MID1: variants seen among roughly 807,000 people sequenced by gnomAD.
MID1 encodes midline 1, also known as E3 ubiquitin-protein ligase Midline-1.
MID1 carries 7 observed loss-of-function variants against 40.4 expected under a neutral mutation model. The ratio of observed to expected loss-of-function variants is 0.17; its 90% CI spans 0.10 to 0.33. MID1 has a LOEUF of 0.33. Ranked by LOEUF, MID1 falls within the 10% of genes least tolerant of loss-of-function variation. The pLI is 1.00. For missense variants in MID1, 367 were observed against 558.5 expected, an observed-to-expected ratio of 0.66 and a Z score of 3.46; for synonymous variants, 229 against 221.2, an observed-to-expected ratio of 1.04 and a Z score of -0.31.
intron 1 of MID1, among the ~76,000 whole-genome samples, chrX:10,597,890 G>T (rs1310567254): frequency 9.0e-6 from 1 of 111,497 alleles, no homozygotes; most frequent in Non-Finnish European, 1.9e-5. Context: ...ATAACCCCAT[G>T]GTCAGCACAT....
rs1206788289 is a variant in MID1, at chrX:10,717,669, C to T, written c.-186-97250G>A. Among the ~76,000 whole-genome samples, 9 of 109,715 alleles carry T rather than the reference C, an allele frequency of 8.2e-5. No individual in the cohort carries two copies. In the East Asian group the frequency reaches 1.4e-3, roughly 17 times the overall value. On this transcript the variant is annotated intron_variant, in intron 1 of 10. Transcript: ENST00000380785. ...GAAAGTTAACAAGGATATCCAGGAA[C>T]TGAACTCAGCTCTGCACCAAGCGGA...
chrX:10,602,708 T>C (rs766545771), intron 1 of MID1, among the ~76,000 whole-genome samples: 7 of 112,597 alleles, frequency 6.2e-5, no homozygotes, highest in Non-Finnish European at 1.3e-4. Context: ...CAATATCTTC[T>C]GGGTTTTTCA....
At chrX:10,619,497 T>G (rs1026003326) in intron 1 of MID1, among the ~76,000 whole-genome samples, 1 of 112,798 alleles carries the variant, frequency 8.9e-6, no homozygotes, top group African/African-American at 3.2e-5. Context: ...TTCCATAACT[T>G]TGATTGAGTT....
chrX:10,784,443 C>CTT (rs1222382957), intron 1 of MID1, among the ~76,000 whole-genome samples: 52 of 87,560 alleles, frequency 5.9e-4, no homozygotes, highest in East Asian at 1.7e-3. Flanking sequence ...GTTGTATTTT[C>CTT]TTTTTTTTTT....
chrX:10,642,895 C>G (rs1019093332), intron 1 of MID1, among the ~76,000 whole-genome samples: 2 of 110,810 alleles, frequency 1.8e-5, no homozygotes, highest in East Asian at 2.8e-4. Context: ...ACAAACCTGA[C>G]AAAAACAAGA....
At chrX:10,565,873 G>A (rs1314249157) in intron 2 of MID1, among the ~76,000 whole-genome samples, 1 of 106,267 alleles carries the variant, frequency 9.4e-6, no homozygotes, top group African/African-American at 3.5e-5. Flanking sequence ...GCAGTGGCGC[G>A]ATCTTGGGTC....
intron 1 of MID1, among the ~76,000 whole-genome samples, chrX:10,613,726 TATATATAG>T (rs1433267095): frequency 9.5e-4 from 46 of 48,559 alleles, no homozygotes; most frequent in Middle Eastern, 0.013. Context: ...TATATATATA[TATATATAG>T]AGAGAGAGAG....
intron 1 of MID1, among the ~76,000 whole-genome samples, chrX:10,832,917 T>C (rs765398984): frequency 1.1e-3 from 123 of 112,499 alleles, no homozygotes; most frequent in Non-Finnish European, 1.9e-3. Flanking sequence ...ACCTTTGACA[T>C]AAAGCCTTTA....
intron 1 of MID1, among the ~76,000 whole-genome samples, chrX:10,612,266 G>A (rs1277919122): frequency 1.8e-5 from 2 of 111,321 alleles, no homozygotes; most frequent in African/African-American, 6.5e-5. Flanking sequence ...AGTCAGAGCC[G>A]TACAAAAAGG....
intron 2 of MID1, among the ~76,000 whole-genome samples, chrX:10,533,570 T>G (rs1397056693): frequency 9.0e-6 from 1 of 111,199 alleles, no homozygotes; most frequent in Non-Finnish European, 1.9e-5. Context: ...TATAATTCAA[T>G]TAACTTAACA....
At chrX:10,803,979 A>G (rs969728505) in intron 1 of MID1, among the ~76,000 whole-genome samples, 15 of 109,509 alleles carry the variant, frequency 1.4e-4, no homozygotes, top group African/African-American at 4.3e-4. Context: ...TTTGGTTTGC[A>G]TTTCCATTTG....
At chrX:10,731,687 G>T (rs2043449386) in intron 1 of MID1, among the ~76,000 whole-genome samples, 1 of 111,216 alleles carries the variant, frequency 9.0e-6, no homozygotes, top group Non-Finnish European at 1.9e-5. Flanking sequence ...GCTGGGGGCG[G>T]TGGCTCATGC....
At chrX:10,575,179 T>C (rs1041813612) in intron 1 of MID1, among the ~76,000 whole-genome samples, 1 of 112,459 alleles carries the variant, frequency 8.9e-6, no homozygotes, top group Admixed American at 9.4e-5. Flanking sequence ...TTCACCTGGG[T>C]AATTAGATTT....
intron 1 of MID1, among the ~76,000 whole-genome samples, chrX:10,831,456 C>T (rs750548994): frequency 1.8e-5 from 2 of 111,271 alleles, no homozygotes; most frequent in African/African-American, 6.5e-5. Flanking sequence ...CGGAGGCTGC[C>T]GATTGGTTAA....
chrX:10,758,767 C>T (rs1212118577), intron 1 of MID1, among the ~76,000 whole-genome samples: 2 of 110,939 alleles, frequency 1.8e-5, no homozygotes, highest in African/African-American at 3.3e-5. Context: ...GGATTACAGG[C>T]TTGAGCCACC....
At chrX:10,586,808 T>C (rs1317103976) in intron 1 of MID1, among the ~76,000 whole-genome samples, 1 of 112,851 alleles carries the variant, frequency 8.9e-6, no homozygotes, top group Non-Finnish European at 1.9e-5. Context: ...GCCACTGGCC[T>C]TGGCCAGGGC....
At position 10,518,340 on chromosome X, in the gene MID1, G is replaced by C. The variant is rs1248437014; in HGVS notation, c.756+4752C>G. ...CTAGTGGTTAGGGCTTAGACTCTGC[G>C]AAGTTAGATGTTAACTTAGAGAAAC... On this transcript the variant is annotated intron_variant, in intron 3 of 9. Coordinates refer to ENST00000317552, the MANE Select transcript of MID1 (RefSeq NM_000381.4). 4.5e-5 allele frequency among the ~76,000 whole-genome samples: 5 copies of C among 111,684 alleles called. No homozygotes were observed. In the East Asian group the frequency reaches 1.4e-3, roughly 31 times the overall value.
At chrX:10,481,502 C>T (rs183093471) in intron 5 of MID1, among the ~76,000 whole-genome samples, 8 of 112,093 alleles carry the variant, frequency 7.1e-5, no homozygotes, top group African/African-American at 1.9e-4. Flanking sequence ...TGCAGTGGCA[C>T]GATCTCGGCT....
At chrX:10,730,226 A>T (rs2043435267) in intron 1 of MID1, among the ~76,000 whole-genome samples, 1 of 111,412 alleles carries the variant, frequency 9.0e-6, no homozygotes, top group East Asian at 2.8e-4. Context: ...TGGATGCCCA[A>T]TTTTTGAATA....
Sources: gnomAD v4.1 joint callset for allele counts (sites outside exome capture counted in the v4.1 genomes callset) on GRCh38, gnomAD v4.1.1 for gene constraint, MANE v1.5 for transcripts, NCBI Gene and HGNC (gene_info 2026-07-23, HGNC 2026-07-21) for gene names.